Variants in VRK2 observed in about 807,000 individuals in gnomAD.
VRK2 encodes the protein serine/threonine-protein kinase VRK2.
Under a neutral mutation model 57.6 loss-of-function variants are expected in VRK2, and 60 were observed. The ratio of observed to expected loss-of-function variants is 1.04; its 90% CI spans 0.85 to 1.29. The LOEUF (loss-of-function observed/expected upper bound fraction) is 1.29. Among genes scored for constraint, VRK2 ranks in the 50% most tolerant of loss-of-function variants. The pLI is 0.00. For synonymous variants in VRK2, 231 were observed against 199.2 expected (o/e 1.16, Z -1.35); for missense variants, 705 against 588.1 (o/e 1.20, Z -2.06).
At chr2:58,133,953 T>C (rs1679593524) in intron 9 of VRK2, among the ~76,000 whole-genome samples, 1 of 152,188 alleles carries the variant, frequency 6.6e-6, no homozygotes, top group Non-Finnish European at 1.5e-5. Context: ...AAAGCATTTA[T>C]ATTATAATTC....
chr2:58,118,106 A>G (rs1468781650), intron 7 of VRK2, among the ~76,000 whole-genome samples: 1 of 152,144 alleles, frequency 6.6e-6, no homozygotes, highest in African/African-American at 2.4e-5. Flanking sequence ...CCTCCCCCAG[A>G]AAAGTGGGAC....
chr2:58,009,800 G>A (rs1673363264), intron 1 of VRK2, among the ~76,000 whole-genome samples: 1 of 151,790 alleles, frequency 6.6e-6, no homozygotes, highest in Admixed American at 6.6e-5. Flanking sequence ...TTATCTTTAA[G>A]CCTACGCTTT....
intron 2 of VRK2, among the ~76,000 whole-genome samples, chr2:58,074,472 G>C (rs2104019845): frequency 6.6e-6 from 1 of 151,750 alleles, no homozygotes; most frequent in Middle Eastern, 3.4e-3. Flanking sequence ...AATTTTTAGT[G>C]GTTGATTTAG....
intron 11 of VRK2, among the ~76,000 whole-genome samples, chr2:58,141,227 T>C (rs1027499846): frequency 6.6e-6 from 1 of 152,050 alleles, no homozygotes; most frequent in Admixed American, 6.6e-5. Flanking sequence ...ACTTAATCTA[T>C]GCTAATTTAA....
At chr2:57,925,840 T>G (rs959022437) in intron 1 of VRK2, among the ~76,000 whole-genome samples, 1 of 151,894 alleles carries the variant, frequency 6.6e-6, no homozygotes, top group South Asian at 2.1e-4. Flanking sequence ...TTGAGGTTTT[T>G]GGCTTTCTTG....
chr2:58,012,120 G>A (rs1673434429), intron 1 of VRK2, among the ~76,000 whole-genome samples: 1 of 152,148 alleles, frequency 6.6e-6, no homozygotes, highest in South Asian at 2.1e-4. Flanking sequence ...TTTTTCAGGA[G>A]CAAAATTTAC....
intron 1 of VRK2, among the ~76,000 whole-genome samples, chr2:57,942,631 C>T (rs1054127631): frequency 6.6e-6 from 1 of 151,846 alleles, no homozygotes; most frequent in African/African-American, 2.4e-5. Context: ...AAAATTGATG[C>T]TAACTTTATT....
At chr2:57,946,934 G>C (rs1671280113) in intron 1 of VRK2, among the ~76,000 whole-genome samples, 1 of 152,024 alleles carries the variant, frequency 6.6e-6, no homozygotes, top group Non-Finnish European at 1.5e-5. Flanking sequence ...AATAGTGTCT[G>C]ATCTTCATGA....
chr2:58,106,621 A>G lies in VRK2; in HGVS notation c.544-16480A>G, dbSNP rs77424112. ...CATGTCATTAAGTCTTTCACTCTCA[A>G]AAAATATGAAAGGATAAAATTTTCA... On this transcript the variant is annotated intron_variant, in intron 7 of 12. Transcript: ENST00000340157. Among the ~76,000 whole-genome samples, 397 of 152,090 alleles carry G rather than the reference A, an allele frequency of 2.6e-3. 3 individuals carry two copies. The highest frequency in any genetic ancestry group is 9.0e-3 in the African/African-American group (375 of 41,530).
intron 11 of VRK2, among the ~76,000 whole-genome samples, chr2:58,144,955 C>G (rs1681893080): frequency 6.6e-6 from 1 of 151,900 alleles, no homozygotes; most frequent in African/African-American, 2.4e-5. Context: ...TGAGAGACTA[C>G]AAATTAAGGC....
chr2:58,121,844 G>A (rs1677560832), intron 7 of VRK2, among the ~76,000 whole-genome samples: 1 of 152,096 alleles, frequency 6.6e-6, no homozygotes, highest in African/African-American at 2.4e-5. Context: ...TTCTGGGGAG[G>A]GGGAATGGTA....
chr2:58,099,391 G>C (rs1673633789), intron 7 of VRK2, among the ~76,000 whole-genome samples: 1 of 151,976 alleles, frequency 6.6e-6, no homozygotes, highest in East Asian at 1.9e-4. Context: ...GGTCTCACTT[G>C]CCTTCGTGTT....
At chr2:57,937,831 T>C (rs1003569531) in intron 1 of VRK2, among the ~76,000 whole-genome samples, 9 of 136,988 alleles carry the variant, frequency 6.6e-5, no homozygotes, top group Admixed American at 3.6e-4. Flanking sequence ...ATCTTTCTTT[T>C]TTTTTTTTTT....
intron 7 of VRK2, among the ~76,000 whole-genome samples, chr2:58,104,814 G>C (rs1573123031): frequency 6.6e-6 from 1 of 151,724 alleles, no homozygotes; most frequent in Non-Finnish European, 1.5e-5. Context: ...AAATTATACT[G>C]CAAGGCTATA....
At chr2:58,088,523 G>C (rs1671946985) in intron 6 of VRK2, 77 bp downstream of exon 6, 19 of 1,118,496 alleles carry the variant, frequency 1.7e-5, no homozygotes, top group Non-Finnish European at 2.3e-5. Context: ...TCCCTTTGTG[G>C]AATTATTAGA....
At chr2:57,936,881 C>A (rs193016288) in intron 1 of VRK2, among the ~76,000 whole-genome samples, 1 of 152,312 alleles carries the variant, frequency 6.6e-6, no homozygotes, top group Non-Finnish European at 1.5e-5. Flanking sequence ...AACTCTAACA[C>A]TTCTGGATTA....
chr2:58,097,143 G>A lies in VRK2; in HGVS notation c.543+7420G>A, dbSNP rs186951493. 1.4e-4 allele frequency among the ~76,000 whole-genome samples: 22 copies of A among 152,136 alleles called. No individual in the cohort carries two copies. The East Asian group carries it at 1.9e-3, about 13-fold the overall frequency. ...AAAAAGGTAGTCTTATTTTCAGAGT[G>A]TAAAATGCAGCAAAAATCCAAAAGA... On this transcript the variant is annotated intron_variant, in intron 7 of 12. Transcript: ENST00000340157.
intron 1 of VRK2, among the ~76,000 whole-genome samples, chr2:57,917,297 C>T (rs957371893): frequency 2.0e-5 from 3 of 151,902 alleles, no homozygotes; most frequent in African/African-American, 2.4e-5. Context: ...TCCCTTACCT[C>T]CAGTTCTTCC....
chr2:58,070,899 A>G (rs1669276134), intron 2 of VRK2, among the ~76,000 whole-genome samples: 1 of 152,182 alleles, frequency 6.6e-6, no homozygotes, highest in Non-Finnish European at 1.5e-5. Flanking sequence ...CTGTCTTTCA[A>G]AGTGGCTGTA....
Sources: allele counts gnomAD v4.1 joint callset (sites outside exome capture counted in the v4.1 genomes callset), GRCh38; gene constraint gnomAD v4.1.1; transcripts MANE v1.5; gene names NCBI Gene and HGNC (gene_info 2026-07-23, HGNC 2026-07-21).